Variants in GNAL observed in about 807,000 individuals in gnomAD.
The protein encoded by GNAL is G protein subunit alpha L.
A neutral mutation model predicts 55.1 loss-of-function variants in GNAL; 18 were observed. The ratio of observed to expected loss-of-function variants is 0.33; its 90% CI spans 0.23 to 0.48. The LOEUF (loss-of-function observed/expected upper bound fraction) is 0.48. Ranked by LOEUF, GNAL falls within the 20% of genes least tolerant of loss-of-function variation. GNAL has a pLI of 0.99. For synonymous variants in GNAL, 253 were observed against 237.0 expected, an observed-to-expected ratio of 1.07 and a Z score of -0.62; for missense variants, 412 against 614.1, an observed-to-expected ratio of 0.67 and a Z score of 3.48.
intron 4 of GNAL, among the ~76,000 whole-genome samples, chr18:11,800,649 G>T (rs1289547830): frequency 6.6e-6 from 1 of 152,192 alleles, no homozygotes; most frequent in Non-Finnish European, 1.5e-5. Flanking sequence ...TTATATGGTG[G>T]TGGGTTATAC....
At chr18:11,793,664 G>T (rs2034297695) in intron 4 of GNAL, among the ~76,000 whole-genome samples, 1 of 148,604 alleles carries the variant, frequency 6.7e-6, no homozygotes, top group Non-Finnish European at 1.5e-5. Context: ...AGTGGCTCAC[G>T]CCTGTAATCC....
At chr18:11,731,005 T>C (rs2032327340) in intron 1 of GNAL, among the ~76,000 whole-genome samples, 1 of 152,244 alleles carries the variant, frequency 6.6e-6, no homozygotes, top group Non-Finnish European at 1.5e-5. Context: ...TCTGGTGTCT[T>C]ATTGCCACAC....
At chr18:11,709,419 T>C (rs1290740420) in intron 1 of GNAL, among the ~76,000 whole-genome samples, 2 of 151,760 alleles carry the variant, frequency 1.3e-5, no homozygotes, top group Non-Finnish European at 2.9e-5. Flanking sequence ...ATTTTAACAA[T>C]ATAAATCTTC....
intron 1 of GNAL, among the ~76,000 whole-genome samples, chr18:11,750,995 G>A (rs2032807133): frequency 6.6e-6 from 1 of 152,070 alleles, no homozygotes; most frequent in African/African-American, 2.4e-5. Context: ...CTGGGGAGCC[G>A]GGGCGGGCTG....
At chr18:11,801,967 TAATC>T (rs895419884) in intron 4 of GNAL, among the ~76,000 whole-genome samples, 22 of 152,124 alleles carry the variant, frequency 1.4e-4, no homozygotes, top group South Asian at 4.1e-4. Flanking sequence ...ATCAGTATAA[TAATC>T]AAGCATAATC....
chr18:11,691,510 G>C (rs1221480159), intron 1 of GNAL, among the ~76,000 whole-genome samples: 1 of 148,826 alleles, frequency 6.7e-6, no homozygotes, highest in African/African-American at 2.6e-5. Context: ...ATTGCTTTTG[G>C]TGTTTTGGAC....
chr18:11,699,670 T>C (rs1238229752), intron 1 of GNAL, among the ~76,000 whole-genome samples: 2 of 152,118 alleles, frequency 1.3e-5, no homozygotes, highest in Non-Finnish European at 2.9e-5. Context: ...AAGTGAAAAC[T>C]GTTCCCTGTT....
Position 11,689,559 on chromosome 18 carries a change from C to T in GNAL, c.-5C>T. The T allele has an allele frequency of 8.0e-7, 1 of 1,243,278 alleles. No individual in the cohort carries two copies. The highest frequency in any genetic ancestry group is 1.0e-6 in the Non-Finnish European group (1 of 991,298). 77.0% of individuals were successfully genotyped at this position (1,243,278 alleles called of 1,614,324 possible). A position where few individuals can be genotyped will look rare whatever the true frequency, so the allele number is the denominator to read the frequency against. ...CGCGCGCCGCCCCCGCTGTGCCGCG[C>T]CCACATGGGTCTGTGCTACAGTCTG... On this transcript the variant is annotated 5_prime_UTR_variant, in exon 1 of 12. Transcript: ENST00000334049.
Position 11,774,306 on chromosome 18 carries a change from C to T in GNAL, c.624+20361C>T, listed in dbSNP as rs538956535. On this transcript the variant is annotated intron_variant, in intron 4 of 11. Coordinates refer to ENST00000334049, the MANE Select transcript of GNAL (RefSeq NM_182978.4). ...ACTTTCTCTGCCTTCTGTCAGTTTT[C>T]AAGGCTTGGCATTGCATGGGAAGAG... Among the ~76,000 whole-genome samples the T allele has an allele frequency of 1.8e-3, 273 of 152,312 alleles. 1 individual carries two copies. The highest frequency in any genetic ancestry group is 6.4e-3 in the African/African-American group (265 of 41,562).
chr18:11,814,722 C>T (rs1373282569), intron 4 of GNAL, among the ~76,000 whole-genome samples: 1 of 151,736 alleles, frequency 6.6e-6, no homozygotes, highest in East Asian at 1.9e-4. Context: ...CATGGCGAAA[C>T]GCTGTCTATA....
rs185921945 is a variant in GNAL, at chr18:11,705,394, G to A, written c.376+15455G>A. Among the ~76,000 whole-genome samples, 340 of 152,234 alleles carry A rather than the reference G, an allele frequency of 2.2e-3. 1 individual carries two copies. The highest frequency in any genetic ancestry group is 8.0e-3 in the African/African-American group (331 of 41,544). ...AGGCTGCTTCAGTATCTTGGCTATT[G>A]CAAAAATTGCTGCAGCAAACGTAAG... On this transcript the variant is annotated intron_variant, in intron 1 of 11. Transcript: ENST00000334049.
At chr18:11,830,276 T>C (rs2035348922) in intron 5 of GNAL, among the ~76,000 whole-genome samples, 1 of 132,568 alleles carries the variant, frequency 7.5e-6, no homozygotes, top group Non-Finnish European at 1.6e-5. Flanking sequence ...CTCAACAGAA[T>C]TGCATCTTTT....
At chr18:11,876,959 C>T (rs924089480) in intron 11 of GNAL, among the ~76,000 whole-genome samples, 1 of 152,190 alleles carries the variant, frequency 6.6e-6, no homozygotes, top group African/African-American at 2.4e-5. Flanking sequence ...AGACTTCATT[C>T]ACTTGTTGTA....
intron 5 of GNAL, among the ~76,000 whole-genome samples, chr18:11,860,992 C>G (rs2036119535): frequency 6.6e-6 from 1 of 152,190 alleles, no homozygotes. Context: ...CTCCCTCTTG[C>G]CCACACTGAG....
At chr18:11,858,765 C>T (rs2036065113) in intron 5 of GNAL, among the ~76,000 whole-genome samples, 1 of 152,176 alleles carries the variant, frequency 6.6e-6, no homozygotes, top group African/African-American at 2.4e-5. Context: ...TCAGCATCAG[C>T]AACAAATCAG....
intron 4 of GNAL, among the ~76,000 whole-genome samples, chr18:11,790,653 TTTTTTTTC>T (rs1466462442): frequency 1.0e-4 from 5 of 49,660 alleles, no homozygotes; most frequent in Non-Finnish European, 1.8e-4. Flanking sequence ...TTTCTTTTCT[TTTTTTTTC>T]TTTTTTTTTT....
chr18:11,744,769 G>A (rs1294617191), intron 1 of GNAL, among the ~76,000 whole-genome samples: 1 of 152,230 alleles, frequency 6.6e-6, no homozygotes, highest in African/African-American at 2.4e-5. Context: ...GGAGTGCACT[G>A]ATGCAAACAT....
intron 4 of GNAL, among the ~76,000 whole-genome samples, chr18:11,759,410 C>G (rs1446307394): frequency 2.0e-5 from 3 of 152,232 alleles, no homozygotes; most frequent in African/African-American, 7.2e-5. Context: ...GAAAAGCAGT[C>G]TGATCTGTTG....
chr18:11,824,675 G>A (rs2035192835), intron 4 of GNAL, among the ~76,000 whole-genome samples: 1 of 122,176 alleles, frequency 8.2e-6, no homozygotes, highest in Non-Finnish European at 1.7e-5. Flanking sequence ...GTGACAGAGC[G>A]AGACTGTGTC....
Sources: gnomAD v4.1 joint callset for allele counts (sites outside exome capture counted in the v4.1 genomes callset) on GRCh38, gnomAD v4.1.1 for gene constraint, MANE v1.5 for transcripts, NCBI Gene and HGNC (gene_info 2026-07-23, HGNC 2026-07-21) for gene names.